POLR3G: variants seen among roughly 807,000 people sequenced by gnomAD.
POLR3G encodes the protein RNA polymerase III subunit G, also known as DNA-directed RNA polymerase III subunit RPC7.
POLR3G carries 28 observed loss-of-function variants against 30.1 expected under a neutral mutation model. That is an observed-to-expected ratio of 0.93 (90% confidence interval 0.69 to 1.27). The LOEUF (loss-of-function observed/expected upper bound fraction) is 1.27, where lower values mean the gene tolerates loss of function less well. POLR3G is among the 50% of genes most tolerant of loss of function. The pLI, the probability that POLR3G is intolerant of heterozygous loss-of-function variation, is 0.00. For synonymous variants in POLR3G, 79 were observed against 82.5 expected (o/e 0.96, Z 0.23); for missense variants, 254 against 264.6 (o/e 0.96, Z 0.28).
intron 1 of POLR3G, among the ~76,000 whole-genome samples, chr5:90,478,022 T>C (rs753493039): frequency 2.6e-5 from 4 of 152,242 alleles, no homozygotes; most frequent in Admixed American, 6.5e-5. Context: ...AATTGGCCTT[T>C]TGTTCCCTGC....
intron 5 of POLR3G, among the ~76,000 whole-genome samples, chr5:90,498,245 T>A (rs1426627511): frequency 2.0e-5 from 3 of 152,156 alleles, no homozygotes; most frequent in Non-Finnish European, 4.4e-5. Context: ...TTTTCTTAGT[T>A]GTTGCCTTTT....
Position 90,512,263 on chromosome 5 carries a change from T to C in POLR3G, c.*124T>C, listed in dbSNP as rs1752778086. ...TCTGTTGTTTTGGACAAATAGTTGT[T>C]ACCAAAATATTCAAAACCACTTTGA... On this transcript the variant is annotated 3_prime_UTR_variant, in exon 8 of 8. Coordinates refer to ENST00000651687, the MANE Select transcript of POLR3G (RefSeq NM_006467.3). 3.1e-6 allele frequency: 2 copies of C among 650,850 alleles called. No individual in the cohort carries two copies. Among genetic ancestry groups the C allele is most frequent in the Non-Finnish European group, 5.4e-6 (2 of 373,280 alleles). The allele number at this position is 650,850 out of a possible 1,614,324, so 40.3% of individuals were successfully genotyped here. A position where few individuals can be genotyped will look rare whatever the true frequency, so the allele number is the denominator to read the frequency against.
intron 1 of POLR3G, among the ~76,000 whole-genome samples, chr5:90,483,993 C>T (rs940918592): frequency 6.6e-6 from 1 of 152,154 alleles, no homozygotes; most frequent in Non-Finnish European, 1.5e-5. Flanking sequence ...TATTTTAACT[C>T]AACTACTCCT....
At chr5:90,511,400 G>C (rs970331070) in intron 7 of POLR3G, among the ~76,000 whole-genome samples, 1 of 152,042 alleles carries the variant, frequency 6.6e-6, no homozygotes, top group Admixed American at 6.6e-5. Flanking sequence ...TAACTCTTAG[G>C]TTTAATTTAT....
intron 7 of POLR3G, among the ~76,000 whole-genome samples, chr5:90,509,744 T>TGG (rs1752648336): frequency 6.6e-6 from 1 of 152,038 alleles, no homozygotes; most frequent in Non-Finnish European, 1.5e-5. Flanking sequence ...ACCAGATAAA[T>TGG]CGGTATGGCG....
intron 7 of POLR3G, among the ~76,000 whole-genome samples, chr5:90,510,457 C>A (rs1010057183): frequency 2.0e-5 from 3 of 152,138 alleles, no homozygotes; most frequent in African/African-American, 7.2e-5. Flanking sequence ...AGGAGGTACT[C>A]ATGTCTAAAA....
chr5:90,510,398 T>G (rs754279617), intron 7 of POLR3G, among the ~76,000 whole-genome samples: 2 of 151,938 alleles, frequency 1.3e-5, no homozygotes, highest in African/African-American at 2.4e-5. Context: ...AAAAAAAGAT[T>G]ACTAACGTCA....
intron 5 of POLR3G, among the ~76,000 whole-genome samples, chr5:90,500,866 C>T (rs1580214129): frequency 6.6e-6 from 1 of 152,184 alleles, no homozygotes; most frequent in African/African-American, 2.4e-5. Context: ...AAGTGTTTAG[C>T]TTTATTTTGG....
At chr5:90,508,871 T>G (rs893385428) in intron 7 of POLR3G, among the ~76,000 whole-genome samples, 3 of 152,132 alleles carry the variant, frequency 2.0e-5, no homozygotes, top group South Asian at 2.1e-4. Context: ...AGACAAGCCT[T>G]GCCAACATGG....
chr5:90,491,973 G>A (rs754251981), intron 3 of POLR3G, among the ~76,000 whole-genome samples: 2 of 152,092 alleles, frequency 1.3e-5, no homozygotes, highest in Non-Finnish European at 2.9e-5. Flanking sequence ...TATGTTTGTA[G>A]TTGCTCTGTT....
chr5:90,485,788 A>G (rs1019958028), intron 2 of POLR3G, 104 bp downstream of exon 2: 44 of 737,314 alleles, frequency 6.0e-5, no homozygotes, highest in Non-Finnish European at 9.0e-5. Context: ...ATCCTCAAGT[A>G]TAAGAAAGTA....
At chr5:90,492,745 G>C (rs1751788568) in intron 3 of POLR3G, among the ~76,000 whole-genome samples, 1 of 151,652 alleles carries the variant, frequency 6.6e-6, no homozygotes, top group Admixed American at 6.6e-5. Flanking sequence ...AGCCAGGCGT[G>C]GTAGAGGGCA....
intron 7 of POLR3G, among the ~76,000 whole-genome samples, chr5:90,511,740 G>A (rs1752747140): frequency 6.6e-6 from 1 of 150,406 alleles, no homozygotes. Flanking sequence ...TTTTTTTCTT[G>A]TCTGTGCATT....
intron 1 of POLR3G, among the ~76,000 whole-genome samples, chr5:90,479,494 A>C (rs1751015705): frequency 6.6e-6 from 1 of 152,128 alleles, no homozygotes; most frequent in Admixed American, 6.5e-5. Flanking sequence ...AACAAACAAC[A>C]AACGAAAAAC....
At chr5:90,510,702 GC>G in intron 7 of POLR3G, among the ~76,000 whole-genome samples, 1 of 152,140 alleles carries the variant, frequency 6.6e-6, no homozygotes, top group East Asian at 1.9e-4. Flanking sequence ...GAAAAGCCAG[GC>G]CAACTTTCCA....
rs918864786 is a variant in POLR3G at position 90,514,415 on chromosome 5, G to A, written c.*2276G>A. On this transcript the variant is annotated 3_prime_UTR_variant, in exon 8 of 8. Coordinates refer to ENST00000651687, the MANE Select transcript of POLR3G (RefSeq NM_006467.3). ...ACAAAATGTGTTCGTTTGTTTTATA[G>A]TAAGATGTTTTATTTTGAACTTATT... 2 of 151,934 alleles carry A rather than the reference G, an allele frequency of 1.3e-5. No individual in the cohort carries two copies. The highest frequency in any genetic ancestry group is 2.9e-5 in the Non-Finnish European group (2 of 68,010). 9.4% of individuals were successfully genotyped at this position (151,934 alleles called of 1,614,324 possible).
At chr5:90,504,637 T>A (rs1193981085) in intron 6 of POLR3G, among the ~76,000 whole-genome samples, 1 of 152,098 alleles carries the variant, frequency 6.6e-6, no homozygotes, top group Non-Finnish European at 1.5e-5. Context: ...AATAATAGCA[T>A]GTTTTTTAGA....
At chr5:90,482,229 T>C (rs1253523462) in intron 1 of POLR3G, among the ~76,000 whole-genome samples, 1 of 152,142 alleles carries the variant, frequency 6.6e-6, no homozygotes, top group Non-Finnish European at 1.5e-5. Context: ...TTTGCAAAAG[T>C]CATAACTGAG....
rs191880949 is a variant in POLR3G, at chr5:90,491,476, T to A, written c.247+3347T>A. 9.9e-5 allele frequency among the ~76,000 whole-genome samples: 15 copies of A among 152,170 alleles called. No homozygotes were observed. The East Asian group carries it at 2.9e-3, about 29-fold the overall frequency. ...TGTTACTGAATAAATGGAATTTGGCTTACTAATTCTTGATATACCATCAGT... is the reference window on the plus strand; with the variant it reads ...TGTTACTGAATAAATGGAATTTGGCATACTAATTCTTGATATACCATCAGT... On this transcript the variant is annotated intron_variant, in intron 3 of 7. Coordinates refer to ENST00000651687, the MANE Select transcript of POLR3G (RefSeq NM_006467.3).
Sources: gnomAD v4.1 joint callset for allele counts (sites outside exome capture counted in the v4.1 genomes callset) on GRCh38, gnomAD v4.1.1 for gene constraint, MANE v1.5 for transcripts, NCBI Gene and HGNC (gene_info 2026-07-23, HGNC 2026-07-21) for gene names.